Variants in CFAP206 observed in about 807,000 individuals in gnomAD.
CFAP206 encodes the protein cilia- and flagella-associated protein 206.
CFAP206 carries 53 observed loss-of-function variants against 65.4 expected under a neutral mutation model. That is an observed-to-expected ratio of 0.81 (90% CI 0.65 to 1.02). The LOEUF is 1.02. CFAP206 is among the 50% of genes least tolerant of loss of function. The pLI is 0.00. For missense variants in CFAP206, 663 were observed against 753.2 expected (o/e 0.88, Z 1.40); for synonymous variants, 250 against 254.4 (o/e 0.98, Z 0.17).
chr6:87,426,707 G>A (rs1768049739), intron 8 of CFAP206, 62 bp downstream of exon 8: 1 of 1,241,074 alleles, frequency 8.1e-7, no homozygotes, highest in Admixed American at 2.7e-5. Flanking sequence ...TATAATATTG[G>A]ATCGCAAGTC....
intron 3 of CFAP206, 55 bp from the exon 4 acceptor site, chr6:87,413,755 A>C (rs963215733): frequency 2.9e-6 from 3 of 1,035,530 alleles, no homozygotes; most frequent in Non-Finnish European, 4.3e-6. Context: ...TTTAGGAAAT[A>C]CTTGACTGTC....
Position 87,437,102 on chromosome 6 carries a change from T to G in CFAP206, c.1494+2049T>G, listed in dbSNP as rs546361882. On this transcript the variant is annotated intron_variant, in intron 11 of 12. Transcript: ENST00000369562. ...TCTCTGCCTCAGCCTTCTGAGTAGC[T>G]GGGATTACAGGCGTCTGCCAACATG... 1.8e-4 allele frequency among the ~76,000 whole-genome samples: 27 copies of G among 152,268 alleles called. No individual in the cohort carries two copies. In the East Asian group the frequency reaches 5.2e-3, roughly 29 times the overall value.
chr6:87,438,460 CAAAA>C (rs757336468), intron 11 of CFAP206, among the ~76,000 whole-genome samples: 1 of 111,012 alleles, frequency 9.0e-6, no homozygotes. Context: ...ACTCTTGTCT[CAAAA>C]AAAAAAAAAA....
intron 7 of CFAP206, among the ~76,000 whole-genome samples, chr6:87,421,171 C>G (rs1299637763): frequency 6.6e-6 from 1 of 152,160 alleles, no homozygotes; most frequent in Non-Finnish European, 1.5e-5. Context: ...ATCAAAGTTT[C>G]AGTTTATGTG....
chr6:87,408,672 A>C lies in CFAP206; in HGVS notation c.-6+583A>C, dbSNP rs13211410. 543 of 74,138 alleles carry C rather than the reference A, an allele frequency of 7.3e-3. 31 individuals are homozygous for C. The highest frequency in any genetic ancestry group is 0.017 in the African/African-American group (267 of 15,974). The allele number at this position is 74,138 out of a possible 1,614,324, so 4.6% of individuals were successfully genotyped here. On this transcript the variant is annotated intron_variant, in intron 1 of 12. Coordinates refer to ENST00000369562, the MANE Select transcript of CFAP206 (RefSeq NM_001031743.3). ...TGCCTGTGATCTTGGAGTACTGATT[A>C]TAAGCTGTTTTAAGCGATTCCCTTA...
chr6:87,464,299 A>T lies in CFAP206; in HGVS notation c.*49A>T. 1 of 1,433,638 alleles carries T rather than the reference A, an allele frequency of 7.0e-7. No individual in the cohort carries two copies. The highest frequency in any genetic ancestry group is 2.4e-5 in the East Asian group (1 of 42,522). 88.8% of individuals were successfully genotyped at this position (1,433,638 alleles called of 1,614,324 possible). A position where few individuals can be genotyped will look rare whatever the true frequency, so the allele number is the denominator to read the frequency against. ...ATGCTACTCAATTATGAACAATAGC[A>T]AGTACTTAAAGGTATATTAACATCT... On this transcript the variant is annotated 3_prime_UTR_variant, in exon 13 of 13. Transcript: ENST00000369562.
At chr6:87,421,601 A>G (rs1767942525) in intron 7 of CFAP206, among the ~76,000 whole-genome samples, 1 of 152,170 alleles carries the variant, frequency 6.6e-6, no homozygotes. Flanking sequence ...AAGAAAAGGG[A>G]GTGATGATCG....
intron 12 of CFAP206, among the ~76,000 whole-genome samples, chr6:87,463,056 C>T (rs758735613): frequency 1.3e-5 from 2 of 152,126 alleles, no homozygotes; most frequent in East Asian, 1.9e-4. Context: ...AGGTTTGAAT[C>T]GGATTGGGTA....
intron 11 of CFAP206, among the ~76,000 whole-genome samples, chr6:87,450,029 T>C (rs1165471187): frequency 6.6e-6 from 1 of 152,236 alleles, no homozygotes; most frequent in African/African-American, 2.4e-5. Flanking sequence ...GTTTCATTCT[T>C]CTGCATGTGG....
In CFAP206 at chr6:87,416,837, T is replaced by C. The variant is rs998772158; in HGVS notation, c.631+10T>C. On this transcript the variant is annotated intron_variant, in intron 6 of 12. Coordinates refer to ENST00000369562, the MANE Select transcript of CFAP206 (RefSeq NM_001031743.3). ...GAAGGCATTGATGATTGTAGGTATATCATTAGATTAATTCTAAAGGTTATG... is the reference window on the plus strand; with the variant it reads ...GAAGGCATTGATGATTGTAGGTATACCATTAGATTAATTCTAAAGGTTATG... 5.6e-6 allele frequency: 9 copies of C among 1,609,394 alleles called. No homozygotes were observed. The African/African-American group carries it at 1.1e-4, about 19-fold the overall frequency.
At chr6:87,430,553 TTAAAC>T (rs1768138028) in intron 9 of CFAP206, among the ~76,000 whole-genome samples, 1 of 152,184 alleles carries the variant, frequency 6.6e-6, no homozygotes, top group East Asian at 1.9e-4. Context: ...AAGCATCATA[TTAAAC>T]ATATTTTGCC....
chr6:87,440,287 T>G (rs1582144919), intron 11 of CFAP206, among the ~76,000 whole-genome samples: 1 of 152,318 alleles, frequency 6.6e-6, no homozygotes, highest in East Asian at 1.9e-4. Flanking sequence ...AAATGCAGTT[T>G]AATTTCTGCA....
chr6:87,413,550 A>G (rs1040319395), intron 3 of CFAP206, among the ~76,000 whole-genome samples: 1 of 152,168 alleles, frequency 6.6e-6, no homozygotes, highest in Non-Finnish European at 1.5e-5. Context: ...CTAAAAGCCC[A>G]GGCTTCACCA....
intron 11 of CFAP206, among the ~76,000 whole-genome samples, chr6:87,448,375 A>G (rs1436663719): frequency 6.6e-6 from 1 of 152,094 alleles, no homozygotes; most frequent in Non-Finnish European, 1.5e-5. Context: ...AAAGATTTTT[A>G]TTGATACATA....
chr6:87,454,158 G>A (rs1446597120), intron 11 of CFAP206, among the ~76,000 whole-genome samples: 2 of 152,124 alleles, frequency 1.3e-5, no homozygotes, highest in Non-Finnish European at 2.9e-5. Flanking sequence ...ATCATTATAT[G>A]ATAAAAGTAT....
chr6:87,443,665 G>T (rs894035635), intron 11 of CFAP206, among the ~76,000 whole-genome samples: 3 of 152,078 alleles, frequency 2.0e-5, no homozygotes, highest in African/African-American at 7.2e-5. Flanking sequence ...CAAAAGTGCA[G>T]GTTTGTTACA....
At chr6:87,415,635 G>T in intron 4 of CFAP206, 51 bp from the exon 5 acceptor site, 1 of 1,514,132 alleles carries the variant, frequency 6.6e-7, no homozygotes, top group Non-Finnish European at 9.1e-7. Context: ...TCTTACGTAA[G>T]AAGAATTCTA....
chr6:87,432,405 C>T (rs977426527), intron 10 of CFAP206, among the ~76,000 whole-genome samples: 2 of 152,146 alleles, frequency 1.3e-5, no homozygotes, highest in Non-Finnish European at 2.9e-5. Flanking sequence ...AAGTAAAATG[C>T]AATGGAATGT....
intron 4 of CFAP206, among the ~76,000 whole-genome samples, chr6:87,414,322 A>T (rs1767788255): frequency 6.6e-6 from 1 of 152,154 alleles, no homozygotes; most frequent in South Asian, 2.1e-4. Context: ...TTTGAGACAG[A>T]GTCTTGCTCT....
Sources: allele counts gnomAD v4.1 joint callset (sites outside exome capture counted in the v4.1 genomes callset), GRCh38; gene constraint gnomAD v4.1.1; transcripts MANE v1.5; gene names NCBI Gene and HGNC (gene_info 2026-07-23, HGNC 2026-07-21).